CDH18: variants seen among roughly 807,000 people sequenced by gnomAD.
CDH18 encodes the protein cadherin 18.
Under a neutral mutation model 67.9 loss-of-function variants are expected in CDH18, and 31 were observed. The observed-to-expected ratio is 0.46, with a 90% CI of 0.34 to 0.62. CDH18 has a LOEUF of 0.62. Among genes scored for constraint, CDH18 ranks in the 20% least tolerant of loss-of-function variants. The pLI, the probability that CDH18 is intolerant of heterozygous loss-of-function variation, is 0.01. For missense variants in CDH18, 890 were observed against 975.5 expected, an observed-to-expected ratio of 0.91 and a Z score of 1.17; for synonymous variants, 362 against 347.2, an observed-to-expected ratio of 1.04 and a Z score of -0.48.
chr5:19,704,269 G>A lies in CDH18; in HGVS notation c.643+17078C>T, dbSNP rs533626153. On this transcript the variant is annotated intron_variant, in intron 5 of 12. Transcript: ENST00000382275. The stretch of plus-strand genomic sequence containing the variant: ...CTCTTTAGCACTGGCTGTCCACATG[G>A]CCAGTTTAACCTGCTCATTTTAACA... Among the ~76,000 whole-genome samples the A allele has an allele frequency of 2.0e-5, 3 of 152,260 alleles. No individual in the cohort carries two copies. The East Asian group carries it at 5.8e-4, about 29-fold the overall frequency.
At chr5:20,017,469 C>T (rs530445793) in intron 2 of CDH18, among the ~76,000 whole-genome samples, 48 of 151,982 alleles carry the variant, frequency 3.2e-4, no homozygotes, top group African/African-American at 1.0e-3. Flanking sequence ...AATTGAAATG[C>T]GACATTCATT....
intron 2 of CDH18, among the ~76,000 whole-genome samples, chr5:19,892,242 G>A (rs1206486052): frequency 1.4e-5 from 2 of 143,582 alleles, no homozygotes; most frequent in East Asian, 3.9e-4. Flanking sequence ...GTTAATAAAG[G>A]ACAAGTATAT....
At chr5:20,113,992 G>C (rs1386449496) in intron 2 of CDH18, among the ~76,000 whole-genome samples, 1 of 152,132 alleles carries the variant, frequency 6.6e-6, no homozygotes, top group Admixed American at 6.5e-5. Context: ...CATTATTATT[G>C]ATTGCTGCCT....
chr5:20,409,819 G>A (rs1198909352), intron 1 of CDH18, among the ~76,000 whole-genome samples: 2 of 151,558 alleles, frequency 1.3e-5, no homozygotes, highest in Non-Finnish European at 3.0e-5. Context: ...CATTATGAAT[G>A]ATGTCACAGA....
chr5:20,358,766 T>A (rs1445798724), intron 1 of CDH18, among the ~76,000 whole-genome samples: 1 of 152,050 alleles, frequency 6.6e-6, no homozygotes. Context: ...TAGAAGCTGG[T>A]CCCAATATAT....
At chr5:19,840,037 T>C (rs183344524) in intron 2 of CDH18, among the ~76,000 whole-genome samples, 1 of 150,928 alleles carries the variant, frequency 6.6e-6, no homozygotes, top group African/African-American at 2.4e-5. Context: ...GGTGGGCAGA[T>C]CACAAGGCAA....
At chr5:20,562,236 A>C (rs1367416307) in intron 1 of CDH18, among the ~76,000 whole-genome samples, 2 of 151,830 alleles carry the variant, frequency 1.3e-5, no homozygotes, top group Admixed American at 1.3e-4. Flanking sequence ...AATTCTTGGA[A>C]ATAGAAATAG....
chr5:20,560,468 T>TACAC (rs547246325), intron 1 of CDH18, among the ~76,000 whole-genome samples: 26,020 of 127,426 alleles, frequency 0.2, 2,556 homozygotes, highest in Middle Eastern at 0.26. Flanking sequence ...CCAACACTCA[T>TACAC]ACACACACAC....
At chr5:20,010,587 C>A (rs1737345768) in intron 2 of CDH18, among the ~76,000 whole-genome samples, 1 of 152,108 alleles carries the variant, frequency 6.6e-6, no homozygotes, top group Non-Finnish European at 1.5e-5. Context: ...TTTTCTATAT[C>A]ATTCAATCCA....
intron 3 of CDH18, among the ~76,000 whole-genome samples, chr5:19,827,025 G>A (rs77802554): frequency 8.9e-4 from 135 of 152,094 alleles, no homozygotes; most frequent in East Asian, 2.7e-3. Flanking sequence ...CAAAGTAAGG[G>A]GATGGAGAAA....
chr5:20,356,751 C>CTATA (rs376251008), intron 1 of CDH18, among the ~76,000 whole-genome samples: 56 of 127,076 alleles, frequency 4.4e-4, no homozygotes, highest in Non-Finnish European at 6.8e-4. Context: ...CTCTCTCTCT[C>CTATA]TCTATATATA....
intron 2 of CDH18, among the ~76,000 whole-genome samples, chr5:20,198,159 G>C (rs955397657): frequency 6.6e-6 from 1 of 152,164 alleles, no homozygotes; most frequent in Non-Finnish European, 1.5e-5. Flanking sequence ...AATTGTTACT[G>C]AGTAATGGGG....
chr5:20,207,634 A>G (rs1034452425), intron 2 of CDH18, among the ~76,000 whole-genome samples: 1 of 152,002 alleles, frequency 6.6e-6, no homozygotes, highest in Non-Finnish European at 1.5e-5. Flanking sequence ...TATCATGAGA[A>G]CAGCAGGGGA....
intron 2 of CDH18, among the ~76,000 whole-genome samples, chr5:19,841,451 A>T (rs1782308735): frequency 6.6e-6 from 1 of 151,910 alleles, no homozygotes; most frequent in Admixed American, 6.6e-5. Context: ...ATTTATTAAA[A>T]TTTGTGACTG....
chr5:19,714,019 G>A (rs576489586), intron 5 of CDH18, among the ~76,000 whole-genome samples: 22 of 152,238 alleles, frequency 1.4e-4, no homozygotes, highest in African/African-American at 5.1e-4. Context: ...ATCAGTTAGT[G>A]CAGGGCATGC....
chr5:20,332,873 G>A (rs1051189992), intron 1 of CDH18, among the ~76,000 whole-genome samples: 22 of 152,004 alleles, frequency 1.4e-4, no homozygotes, highest in Non-Finnish European at 2.9e-4. Flanking sequence ...ATCCCATCAC[G>A]GAGCACACTC....
intron 3 of CDH18, chr5:19,803,973 TA>T (rs1446898598): frequency 1.3e-5 from 2 of 152,004 alleles, no homozygotes; most frequent in African/African-American, 4.8e-5. Flanking sequence ...TACAAAAAAT[TA>T]GCTGGGCGTG....
At chr5:19,686,956 C>T (rs942553446) in intron 5 of CDH18, among the ~76,000 whole-genome samples, 19 of 152,112 alleles carry the variant, frequency 1.2e-4, no homozygotes, top group African/African-American at 4.3e-4. Context: ...ACCTCCTCCA[C>T]AAAGAAAAAC....
intron 1 of CDH18, among the ~76,000 whole-genome samples, chr5:20,410,842 TATC>T (rs1562043292): frequency 6.6e-6 from 1 of 151,720 alleles, no homozygotes; most frequent in Non-Finnish European, 1.5e-5. Flanking sequence ...AATTAGAAAA[TATC>T]ATTCACAATA....
Sources: gnomAD v4.1 joint callset for allele counts (sites outside exome capture counted in the v4.1 genomes callset) on GRCh38, gnomAD v4.1.1 for gene constraint, MANE v1.5 for transcripts, NCBI Gene and HGNC (gene_info 2026-07-23, HGNC 2026-07-21) for gene names.